The following BDKRB2 variants were observed in gnomAD, a reference collection of about 807,000 sequenced individuals.
BDKRB2 encodes the protein B2 bradykinin receptor.
Under a neutral mutation model 4.0 loss-of-function variants are expected in BDKRB2, and 6 were observed. The ratio of observed to expected loss-of-function variants is 1.49; its 90% CI spans 0.81 to 2.93. BDKRB2 has a LOEUF of 2.93. Ranked by LOEUF, BDKRB2 falls within the 30% of genes most tolerant of loss-of-function variation. The probability of loss-of-function intolerance (pLI) is 0.00; values close to 1 mark genes in which losing one functional copy is unlikely to be tolerated. For synonymous variants in BDKRB2, 225 were observed against 215.3 expected, an observed-to-expected ratio of 1.05 and a Z score of -0.40; for missense variants, 478 against 520.1, an observed-to-expected ratio of 0.92 and a Z score of 0.79.
Position 96,240,421 on chromosome 14 carries a change from C to A in BDKRB2, c.93C>A (p.Val31=), listed in dbSNP as rs767455693. 6.2e-6 allele frequency: 9 copies of A among 1,462,744 alleles called. No individual in the cohort carries two copies. Among genetic ancestry groups the A allele is most frequent in the East Asian group, 2.4e-5 (1 of 40,966 alleles). 90.6% of individuals were successfully genotyped at this position (1,462,744 alleles called of 1,614,324 possible). A position where few individuals can be genotyped will look rare whatever the true frequency, so the allele number is the denominator to read the frequency against. Residue 31 remains valine (V), a synonymous_variant, in exon 3 of 3, where the codon GTC becomes GTA. Transcript: ENST00000554311. ...CTTTCAGCGCCGACATGCTCAATGT[C>A]ACCTTGCAAGGGCCCACTCTTAACG... The part of the protein sequence containing the change: ...TASFSADMLN[V]TLQGPTLNGT...
intron 2 of BDKRB2, among the ~76,000 whole-genome samples, chr14:96,237,428 T>C (rs994023218): frequency 6.6e-6 from 1 of 152,184 alleles, no homozygotes; most frequent in South Asian, 2.1e-4. Context: ...TTGTCATATG[T>C]GATCTATCCC....
intron 1 of BDKRB2, among the ~76,000 whole-genome samples, chr14:96,217,253 C>A (rs1300231989): frequency 6.6e-6 from 1 of 152,238 alleles, no homozygotes; most frequent in Admixed American, 6.5e-5. Flanking sequence ...TCTGTGCATG[C>A]ATGTGCAAAC....
intron 1 of BDKRB2, among the ~76,000 whole-genome samples, chr14:96,234,334 C>T (rs1297040828): frequency 6.6e-6 from 1 of 152,168 alleles, no homozygotes; most frequent in African/African-American, 2.4e-5. Context: ...AAGCAGTGAA[C>T]TCTGCTCCAG....
At chr14:96,213,257 T>C (rs559421099) in intron 1 of BDKRB2, among the ~76,000 whole-genome samples, 1 of 152,270 alleles carries the variant, frequency 6.6e-6, no homozygotes, top group African/African-American at 2.4e-5. Context: ...GAGAGACTGC[T>C]CAGGGCTCCC....
chr14:96,220,863 C>A (rs986669552), intron 1 of BDKRB2, among the ~76,000 whole-genome samples: 2 of 152,066 alleles, frequency 1.3e-5, no homozygotes, highest in Non-Finnish European at 2.9e-5. Context: ...AGTGCGTGGA[C>A]ACAGCCATGG....
intron 1 of BDKRB2, among the ~76,000 whole-genome samples, chr14:96,225,733 G>A (rs142689682): frequency 6.6e-6 from 1 of 152,306 alleles, no homozygotes; most frequent in African/African-American, 2.4e-5. Flanking sequence ...GCCCAAACCA[G>A]TTCAGGATTC....
chr14:96,221,098 C>G (rs564289321), intron 1 of BDKRB2, among the ~76,000 whole-genome samples: 1 of 152,222 alleles, frequency 6.6e-6, no homozygotes, highest in East Asian at 1.9e-4. Flanking sequence ...TGACTCTGGA[C>G]AAGTCACCTC....
chr14:96,240,608 A>C lies in BDKRB2; in HGVS notation c.280A>C (p.Ile94Leu). Residue 94 changes from isoleucine (I) to leucine (L), a missense_variant, in exon 3 of 3, where the codon ATC becomes CTC. Physicochemically the swap from Ile to Leu is conservative, Grantham distance 5. Coordinates refer to ENST00000554311, the MANE Select transcript of BDKRB2 (RefSeq NM_001379692.1). ...CAAGAGCAGCTGCACGGTGGCAGAG[A>C]TCTACCTGGGGAACCTGGCCGCAGC... Reference protein sequence around the residue: ...LHKSSCTVAEIYLGNLAAADL... With the variant: ...LHKSSCTVAELYLGNLAAADL... 1 of 1,549,968 alleles carries C rather than the reference A, an allele frequency of 6.5e-7. No homozygotes were observed. The highest frequency in any genetic ancestry group is 8.7e-7 in the Non-Finnish European group (1 of 1,150,122).
chr14:96,209,372 G>A (rs556560815), intron 1 of BDKRB2, among the ~76,000 whole-genome samples: 7 of 152,314 alleles, frequency 4.6e-5, no homozygotes, highest in South Asian at 4.1e-4. Context: ...AAGAGAAACT[G>A]ACTGAAGCAG....
chr14:96,240,499 C>T lies in BDKRB2; in HGVS notation c.171C>T (p.Asn57=), dbSNP rs200075612. 273 of 1,562,218 alleles carry T rather than the reference C, an allele frequency of 1.7e-4. No individual in the cohort carries two copies. Among genetic ancestry groups the T allele is most frequent in the Non-Finnish European group, 2.3e-4 (264 of 1,155,994 alleles). The change falls in exon 3 of 3, where the codon AAC becomes AAT. Residue 57 remains asparagine, a synonymous_variant. Coordinates refer to ENST00000554311, the MANE Select transcript of BDKRB2 (RefSeq NM_001379692.1). ...AAGTGGAGTGGCTGGGCTGGCTCAA[C>T]ACCATCCAGCCCCCCTTCCTCTGGG... ...CPQVEWLGWL[N]TIQPPFLWVL...
chr14:96,230,446 G>C (rs946106541), intron 1 of BDKRB2, among the ~76,000 whole-genome samples: 9 of 152,314 alleles, frequency 5.9e-5, no homozygotes, highest in Admixed American at 2.0e-4. Context: ...CCAGGCTGGA[G>C]TGCAACGGTG....
intron 1 of BDKRB2, among the ~76,000 whole-genome samples, chr14:96,233,062 T>C (rs1890854679): frequency 6.6e-6 from 1 of 152,238 alleles, no homozygotes; most frequent in Non-Finnish European, 1.5e-5. Context: ...AGTCTCGCTC[T>C]ATAGCCCAGG....
intron 2 of BDKRB2, chr14:96,239,908 G>A: frequency 1.0e-6 from 1 of 985,932 alleles, no homozygotes; most frequent in Non-Finnish European, 1.2e-6. Context: ...CAGAAACTAG[G>A]CAGATGGGCT....
At chr14:96,221,413 G>T (rs772399331) in intron 1 of BDKRB2, among the ~76,000 whole-genome samples, 3 of 152,120 alleles carry the variant, frequency 2.0e-5, no homozygotes, top group African/African-American at 7.3e-5. Flanking sequence ...TGTCCTGTCT[G>T]GAGCCCTGCT....
intron 1 of BDKRB2, among the ~76,000 whole-genome samples, chr14:96,206,888 T>A (rs953365152): frequency 1.3e-5 from 2 of 152,068 alleles, no homozygotes; most frequent in African/African-American, 2.4e-5. Flanking sequence ...AAGCCCGAGA[T>A]CAAGGCACTG....
At chr14:96,218,360 C>T (rs1890475247) in intron 1 of BDKRB2, among the ~76,000 whole-genome samples, 1 of 152,144 alleles carries the variant, frequency 6.6e-6, no homozygotes, top group Admixed American at 6.5e-5. Context: ...CTTGAGACCC[C>T]TAAGTGCTAA....
chr14:96,220,474 T>C (rs967131143), intron 1 of BDKRB2, among the ~76,000 whole-genome samples: 1 of 152,070 alleles, frequency 6.6e-6, no homozygotes, highest in African/African-American at 2.4e-5. Context: ...GATCTTTACT[T>C]TGGGAGAAGT....
At chr14:96,237,827 G>T in intron 2 of BDKRB2, 1 of 1,289,742 alleles carries the variant, frequency 7.8e-7, no homozygotes, top group South Asian at 1.2e-5. Context: ...TGATCCGATG[G>T]CTTCTCAGAG....
chr14:96,207,585 AC>A (rs1890217153), intron 1 of BDKRB2, among the ~76,000 whole-genome samples: 1 of 152,164 alleles, frequency 6.6e-6, no homozygotes, highest in Non-Finnish European at 1.5e-5. Context: ...CCAAGAGTGA[AC>A]CCTGATGAAA....
Sources: allele counts gnomAD v4.1 joint callset (sites outside exome capture counted in the v4.1 genomes callset), GRCh38; gene constraint gnomAD v4.1.1; transcripts MANE v1.5; gene names NCBI Gene and HGNC (gene_info 2026-07-23, HGNC 2026-07-21).